Variants in GALNT13 observed in about 807,000 individuals in gnomAD.
GALNT13 encodes the protein UDP-GalNAc:polypeptide N-acetylgalactosaminyltransferase 13.
A neutral mutation model predicts 64.2 loss-of-function variants in GALNT13; 28 were observed. The observed-to-expected ratio is 0.44, with a 90% CI of 0.32 to 0.60. GALNT13 has a LOEUF of 0.60. GALNT13 is among the 20% of genes least tolerant of loss of function. The pLI, the probability that GALNT13 is intolerant of heterozygous loss-of-function variation, is 0.05. For synonymous variants in GALNT13, 214 were observed against 224.6 expected, an observed-to-expected ratio of 0.95 and a Z score of 0.42; for missense variants, 577 against 669.8, an observed-to-expected ratio of 0.86 and a Z score of 1.53.
At chr2:153,179,096 C>T in the GALNT13 span, among the ~76,000 whole-genome samples, 4 of 152,036 alleles carry the variant, frequency 2.6e-5, no homozygotes, top group Non-Finnish European at 4.4e-5. Flanking sequence ...GAGATCAAAT[C>T]GAAAATATCA....
intron 3 of GALNT13, among the ~76,000 whole-genome samples, chr2:154,136,597 A>G (rs1682964809): frequency 6.6e-6 from 1 of 152,146 alleles, no homozygotes; most frequent in Admixed American, 6.6e-5. Context: ...CATCTTCTTT[A>G]ACACTGGGAA....
At chr2:153,774,278 A>G in the GALNT13 span, among the ~76,000 whole-genome samples, 1 of 152,090 alleles carries the variant, frequency 6.6e-6, no homozygotes. Context: ...ATATTGCTAG[A>G]TATTTATGGG....
At chr2:153,396,410 A>C in the GALNT13 span, among the ~76,000 whole-genome samples, 6 of 152,048 alleles carry the variant, frequency 3.9e-5, no homozygotes, top group Non-Finnish European at 8.8e-5. Flanking sequence ...TTTTCACAAA[A>C]ATTCTTTGTG....
intron 8 of GALNT13, among the ~76,000 whole-genome samples, chr2:154,260,565 C>T (rs1052729455): frequency 3.3e-5 from 5 of 152,074 alleles, no homozygotes; most frequent in African/African-American, 1.2e-4. Context: ...TGCTTATATT[C>T]TCATGAAACT....
At chr2:153,521,282 G>GT in the GALNT13 span, among the ~76,000 whole-genome samples, 329 of 146,714 alleles carry the variant, frequency 2.2e-3, no homozygotes, top group African/African-American at 4.4e-3. Flanking sequence ...ATACCATTAG[G>GT]TTTTTTTTTT....
chr2:153,345,413 G>A, the GALNT13 span, among the ~76,000 whole-genome samples: 3 of 151,846 alleles, frequency 2.0e-5, no homozygotes, highest in Non-Finnish European at 4.4e-5. Flanking sequence ...TTGCCTGAGG[G>A]TCTGGTTTAT....
chr2:153,162,203 A>T, the GALNT13 span, among the ~76,000 whole-genome samples: 1 of 152,168 alleles, frequency 6.6e-6, no homozygotes, highest in Admixed American at 6.5e-5. Flanking sequence ...TAGCCATTTG[A>T]ACATGTTCAA....
chr2:153,368,092 T>C, the GALNT13 span, among the ~76,000 whole-genome samples: 2 of 152,246 alleles, frequency 1.3e-5, no homozygotes, highest in Admixed American at 6.6e-5. Context: ...AACAGATATA[T>C]ACATAGGTTA....
chr2:153,933,788 G>A (rs1489723993), intron 2 of GALNT13, among the ~76,000 whole-genome samples: 1 of 151,896 alleles, frequency 6.6e-6, no homozygotes, highest in Non-Finnish European at 1.5e-5. Context: ...TTGTAAAGTG[G>A]GTCTGTGATA....
At chr2:153,727,828 A>G in the GALNT13 span, among the ~76,000 whole-genome samples, 23 of 152,062 alleles carry the variant, frequency 1.5e-4, no homozygotes, top group Non-Finnish European at 2.9e-4. Flanking sequence ...TGCTGAGCCA[A>G]TCAACCCGTC....
chr2:153,501,355 GGAGTCGCCCTCTGT>G, the GALNT13 span, among the ~76,000 whole-genome samples: 1 of 151,680 alleles, frequency 6.6e-6, no homozygotes, highest in Non-Finnish European at 1.5e-5. Context: ...TTTTTGAGAT[GGAGTCGCCCTCTGT>G]CGCCCAGGCT....
At chr2:153,949,512 A>G (rs1692013256) in intron 3 of GALNT13, among the ~76,000 whole-genome samples, 1 of 141,808 alleles carries the variant, frequency 7.1e-6, no homozygotes. Context: ...TTCATCTCAA[A>G]AAAGAAAAAA....
intron 4 of GALNT13, among the ~76,000 whole-genome samples, chr2:154,147,087 G>A (rs548534758): frequency 6.6e-6 from 1 of 151,948 alleles, no homozygotes. Context: ...TTCCCTGTAA[G>A]TGAATTTACA....
the GALNT13 span, among the ~76,000 whole-genome samples, chr2:153,520,588 T>C: frequency 6.6e-6 from 1 of 152,178 alleles, no homozygotes; most frequent in Non-Finnish European, 1.5e-5. Context: ...GAGGTTCCCA[T>C]GGAAGAGTTT....
chr2:153,378,944 G>A, the GALNT13 span, among the ~76,000 whole-genome samples: 2 of 152,014 alleles, frequency 1.3e-5, no homozygotes, highest in South Asian at 4.2e-4. Context: ...GATTTTTTTG[G>A]TGTTTCCTCT....
At chr2:153,470,286 G>A in the GALNT13 span, among the ~76,000 whole-genome samples, 1 of 152,066 alleles carries the variant, frequency 6.6e-6, no homozygotes, top group Non-Finnish European at 1.5e-5. Context: ...CCTCACAGGA[G>A]CTACAGAAGA....
intron 3 of GALNT13, among the ~76,000 whole-genome samples, chr2:154,082,248 A>G (rs1442231931): frequency 6.6e-6 from 1 of 151,676 alleles, no homozygotes; most frequent in Admixed American, 6.6e-5. Context: ...CAAAGATACA[A>G]TGGAGTTGAG....
chr2:154,300,852 C>T (rs2105094427), intron 8 of GALNT13, among the ~76,000 whole-genome samples: 1 of 152,218 alleles, frequency 6.6e-6, no homozygotes, highest in African/African-American at 2.4e-5. Context: ...TAAATCTCCC[C>T]CCAGAGCTTT....
chr2:154,219,726 A>G (rs1688226836), intron 4 of GALNT13, among the ~76,000 whole-genome samples: 1 of 152,084 alleles, frequency 6.6e-6, no homozygotes, highest in African/African-American at 2.4e-5. Context: ...GTACCAGAAT[A>G]TCTTTGTGAT....
Sources: allele counts gnomAD v4.1 joint callset (sites outside exome capture counted in the v4.1 genomes callset), GRCh38; gene constraint gnomAD v4.1.1; transcripts MANE v1.5; gene names NCBI Gene and HGNC (gene_info 2026-07-23, HGNC 2026-07-21).